Variants in SLC3A1 observed in about 807,000 individuals in gnomAD.
SLC3A1 encodes the protein amino acid transporter heavy chain SLC3A1.
Under a neutral mutation model 60.3 loss-of-function variants are expected in SLC3A1, and 78 were observed. The observed-to-expected ratio is 1.29, with a 90% CI of 1.08 to 1.56. SLC3A1 has a LOEUF of 1.56. Among genes scored for constraint, SLC3A1 ranks in the 40% most tolerant of loss-of-function variants. The pLI is 0.00. For missense variants in SLC3A1, 1,172 were observed against 858.9 expected (o/e 1.36, Z -4.56); for synonymous variants, 392 against 307.9 (o/e 1.27, Z -2.86).
At chr2:44,310,403 C>G (rs1019218415) in intron 7 of SLC3A1, among the ~76,000 whole-genome samples, 1 of 152,094 alleles carries the variant, frequency 6.6e-6, no homozygotes, top group Middle Eastern at 3.2e-3. Context: ...AACAGTTTTG[C>G]TGGATATAGA....
At position 44,312,594 on chromosome 2, in the gene SLC3A1, A is replaced by G. The variant is rs776488570; in HGVS notation, c.1341A>G (p.Gly447=). Residue 447 remains glycine, a synonymous_variant, in exon 8 of 10, where the codon GGA becomes GGG. Coordinates refer to ENST00000260649, the MANE Select transcript of SLC3A1 (RefSeq NM_000341.4). ...EGKWPNWMIG[G]PDSSRLTSRL... ...AAATATCTGCCTTTCAGATTGGTGG[A>G]CCAGACAGTTCACGGCTGACTTCGC... The G allele has an allele frequency of 1.2e-6, 2 of 1,613,880 alleles. No homozygotes were observed. Among genetic ancestry groups the G allele is most frequent in the Admixed American group, 1.7e-5 (1 of 60,018 alleles).
At chr2:44,276,089 C>G in intron 1 of SLC3A1, 124 bp downstream of exon 1, 1 of 828,370 alleles carries the variant, frequency 1.2e-6, no homozygotes. Context: ...ACTGGTCATG[C>G]CAAGTTGCTC....
chr2:44,294,504 A>G (rs1394066139), intron 4 of SLC3A1, among the ~76,000 whole-genome samples: 4 of 146,074 alleles, frequency 2.7e-5, no homozygotes, highest in Non-Finnish European at 4.5e-5. Flanking sequence ...CTCCATCTCA[A>G]AAAAAAAAAA....
rs777953326 is a variant in SLC3A1, at chr2:44,311,894, T to C, written c.1333-692T>C. On this transcript the variant is annotated intron_variant, in intron 7 of 9. Transcript: ENST00000260649. The stretch of plus-strand genomic sequence containing the variant: ...ACGGAGATAGTACTTGCTAGCACTG[T>C]TGTGTGAAGGAGGGAAATATAGGTG... Among the ~76,000 whole-genome samples, 5 of 152,052 alleles carry C rather than the reference T, an allele frequency of 3.3e-5. No individual in the cohort carries two copies. In the South Asian group the frequency reaches 1.0e-3, roughly 32 times the overall value.
intron 4 of SLC3A1, among the ~76,000 whole-genome samples, chr2:44,289,212 T>G (rs544952350): frequency 6.7e-6 from 1 of 148,396 alleles, no homozygotes; most frequent in South Asian, 2.1e-4. Flanking sequence ...TCTTTTTCTT[T>G]TTTTCTTTTT....
intron 7 of SLC3A1, among the ~76,000 whole-genome samples, chr2:44,305,585 G>C (rs773015207): frequency 6.6e-5 from 10 of 151,642 alleles, no homozygotes; most frequent in Admixed American, 1.3e-4. Flanking sequence ...ACGCCACCAT[G>C]CCTGGCTAAT....
chr2:44,277,003 G>A (rs1366455116), intron 1 of SLC3A1, among the ~76,000 whole-genome samples: 2 of 151,506 alleles, frequency 1.3e-5, no homozygotes, highest in African/African-American at 4.9e-5. Flanking sequence ...TGGGCTTAAT[G>A]TATCTTTAAA....
intron 1 of SLC3A1, among the ~76,000 whole-genome samples, chr2:44,279,416 C>T (rs1337114279): frequency 1.3e-5 from 2 of 152,130 alleles, no homozygotes; most frequent in Non-Finnish European, 1.5e-5. Context: ...CTTCTCTGTC[C>T]TTACCCTCAG....
In SLC3A1 at chr2:44,299,981, G is replaced by T. The variant is rs372528227; in HGVS notation, c.902G>T (p.Arg301Leu). Residue 301 changes from arginine to leucine, a missense_variant, in exon 5 of 10, where the codon CGG becomes CTG. Coordinates refer to ENST00000260649, the MANE Select transcript of SLC3A1 (RefSeq NM_000341.4). ...DVQEEIKEIL[R>L]FWLTKGVDGF... ...CTTCTTCATCTTTAGGAAATTTTAC[G>T]GTTCTGGCTCACAAAGGGTGTTGAT... is the stretch of plus-strand genomic sequence containing the variant. 5.0e-6 allele frequency: 8 copies of T among 1,613,828 alleles called. No homozygotes were observed. The highest frequency in any genetic ancestry group is 1.3e-5 in the African/African-American group (1 of 74,878).
intron 4 of SLC3A1, among the ~76,000 whole-genome samples, chr2:44,291,495 C>G (rs560080013): frequency 2.6e-4 from 40 of 152,216 alleles, no homozygotes; most frequent in African/African-American, 9.4e-4. Context: ...ATTAATGCCT[C>G]CGGTTGAGAG....
At chr2:44,287,971 G>A (rs1174308155) in intron 4 of SLC3A1, among the ~76,000 whole-genome samples, 2 of 151,870 alleles carry the variant, frequency 1.3e-5, no homozygotes, top group East Asian at 1.9e-4. Context: ...CCCCTTTTGA[G>A]TGTGTAATTC....
At chr2:44,281,709 G>A (rs535544925) in intron 3 of SLC3A1, among the ~76,000 whole-genome samples, 168 bp downstream of exon 3, 17 of 151,924 alleles carry the variant, frequency 1.1e-4, no homozygotes, top group Non-Finnish European at 2.2e-4. Flanking sequence ...ATTTACTCAG[G>A]CTTCCAATTA....
chr2:44,320,133 ATT>A (rs1243604038), intron 9 of SLC3A1, 64 bp from the exon 10 acceptor site: 19 of 1,403,356 alleles, frequency 1.4e-5, no homozygotes, highest in Non-Finnish European at 1.9e-5. Context: ...CTTACAATAT[ATT>A]AAAAATACTT....
At chr2:44,315,515 AAAAG>A (rs1017231349) in intron 9 of SLC3A1, among the ~76,000 whole-genome samples, 1 of 151,622 alleles carries the variant, frequency 6.6e-6, no homozygotes, top group Non-Finnish European at 1.5e-5. Context: ...AAAAAAAAAA[AAAAG>A]GGAAATTAGC....
rs1671481086 is a variant in SLC3A1, at chr2:44,280,858, A to C, written c.573A>C (p.Glu191Asp). 6.2e-7 allele frequency: 1 copy of C among 1,614,146 alleles called. No homozygotes were observed. The highest frequency in any genetic ancestry group is 8.5e-7 in the Non-Finnish European group (1 of 1,180,016). Residue 191 changes from glutamate to aspartate, a missense_variant, in exon 2 of 10, where the codon GAA (glutamate) becomes GAC (aspartate). Coordinates refer to ENST00000260649, the MANE Select transcript of SLC3A1 (RefSeq NM_000341.4). ...REVDPIFGTM[E>D]DFENLVAAIH... ...TTGATCCCATTTTTGGAACGATGGA[A>C]GATTTTGAGAATCTGGTTGCAGCCA...
At chr2:44,277,022 A>G (rs1288001447) in intron 1 of SLC3A1, among the ~76,000 whole-genome samples, 2 of 152,068 alleles carry the variant, frequency 1.3e-5, no homozygotes, top group African/African-American at 4.8e-5. Context: ...AAATGCTACA[A>G]ATGAATTCTT....
intron 7 of SLC3A1, among the ~76,000 whole-genome samples, chr2:44,306,627 C>G (rs995429175): frequency 4.2e-5 from 6 of 144,438 alleles, no homozygotes; most frequent in African/African-American, 1.5e-4. Flanking sequence ...GATCCCGGCT[C>G]ACTTCAACCT....
At chr2:44,297,969 T>C (rs1671896368) in intron 4 of SLC3A1, among the ~76,000 whole-genome samples, 1 of 152,184 alleles carries the variant, frequency 6.6e-6, no homozygotes, top group African/African-American at 2.4e-5. Flanking sequence ...TGGCCAAATA[T>C]TCATCGTATG....
intron 4 of SLC3A1, among the ~76,000 whole-genome samples, chr2:44,291,862 C>A (rs1671746632): frequency 6.6e-6 from 1 of 152,104 alleles, no homozygotes; most frequent in Admixed American, 6.6e-5. Flanking sequence ...CAGAGAGCAC[C>A]CTCTGCTGTC....
Sources: gnomAD v4.1 joint callset for allele counts (sites outside exome capture counted in the v4.1 genomes callset) on GRCh38, gnomAD v4.1.1 for gene constraint, MANE v1.5 for transcripts, NCBI Gene and HGNC (gene_info 2026-07-23, HGNC 2026-07-21) for gene names.